The following RTN1 variants were observed in gnomAD, a reference collection of about 807,000 sequenced individuals.
The protein encoded by RTN1 is reticulon-1.
In RTN1, 25 loss-of-function variants were observed where a neutral mutation model predicts 65.5. That is an observed-to-expected ratio of 0.38 (90% CI 0.28 to 0.53). The LOEUF is 0.53. RTN1 is among the 20% of genes least tolerant of loss of function. RTN1 has a pLI of 0.79. For synonymous variants in RTN1, 471 were observed against 447.6 expected (o/e 1.05, Z -0.66); for missense variants, 983 against 1,025.4 (o/e 0.96, Z 0.57).
intron 3 of RTN1, among the ~76,000 whole-genome samples, chr14:59,627,092 A>C (rs891586396): frequency 1.3e-5 from 2 of 152,224 alleles, no homozygotes; most frequent in African/African-American, 4.8e-5. Context: ...GCTACCAAAA[A>C]ACCTTGGGCA....
chr14:59,606,119 T>TATATATATATATATATATATATATATAA (rs1566658086), intron 4 of RTN1: 1 of 88,084 alleles, frequency 1.1e-5, no homozygotes, highest in Admixed American at 1.3e-4. Context: ...TATATATATA[T>TATATATATATATATATATATATATATAA]ATATATATCA....
chr14:59,721,887 T>C (rs1884655104), intron 3 of RTN1, among the ~76,000 whole-genome samples: 1 of 152,192 alleles, frequency 6.6e-6, no homozygotes, highest in East Asian at 1.9e-4. Flanking sequence ...CCAGACTTAG[T>C]TCTTCTAAAT....
chr14:59,810,352 G>A (rs1012042905), intron 1 of RTN1, among the ~76,000 whole-genome samples: 1 of 152,138 alleles, frequency 6.6e-6, no homozygotes, highest in Non-Finnish European at 1.5e-5. Flanking sequence ...GTCCATGTGG[G>A]CTGCTCTATT....
intron 3 of RTN1, among the ~76,000 whole-genome samples, chr14:59,714,860 C>T (rs1318844484): frequency 6.6e-6 from 1 of 152,192 alleles, no homozygotes; most frequent in African/African-American, 2.4e-5. Context: ...AGGGGAGCGG[C>T]AGGTGAGTGA....
chr14:59,642,290 G>C (rs1308388182), intron 3 of RTN1, among the ~76,000 whole-genome samples: 1 of 152,096 alleles, frequency 6.6e-6, no homozygotes. Context: ...GATGCAGCTT[G>C]ATTATGACAG....
At chr14:59,661,121 T>G (rs1338371037) in intron 3 of RTN1, among the ~76,000 whole-genome samples, 3 of 151,644 alleles carry the variant, frequency 2.0e-5, no homozygotes, top group Non-Finnish European at 4.4e-5. Flanking sequence ...TCTACACAAA[T>G]AAATGAGAAA....
At chr14:59,741,477 T>A (rs2139501537) in intron 2 of RTN1, among the ~76,000 whole-genome samples, 1 of 152,330 alleles carries the variant, frequency 6.6e-6, no homozygotes, top group East Asian at 1.9e-4. Flanking sequence ...GTAAGCTCCA[T>A]GAAGCCAGGA....
intron 3 of RTN1, chr14:59,647,148 T>C (rs1388474616): frequency 6.6e-6 from 1 of 151,724 alleles, no homozygotes; most frequent in Non-Finnish European, 1.5e-5. Context: ...AAAGCAGGGG[T>C]TGCAATCCCA....
rs750674515 is a variant in RTN1, at chr14:59,746,360, T to G, written c.363A>C (p.Thr121=). 3 of 1,614,152 alleles carry G rather than the reference T, an allele frequency of 1.9e-6. No individual in the cohort carries two copies. In the Admixed American group the frequency reaches 5.0e-5, roughly 27 times the overall value. Residue 121 remains threonine, a synonymous_variant, in exon 2 of 9, where the codon ACA becomes ACC. Coordinates refer to ENST00000267484, the MANE Select transcript of RTN1 (RefSeq NM_021136.3). The part of the protein sequence containing the change: ...DICYPPQEDS[T]YFTGILQKEN... ...CCTTCTGAAGAATTCCAGTAAAATA[T>G]GTAGAATCCTCCTGAGGTGGATAGC...
chr14:59,651,435 T>C (rs111663575), intron 3 of RTN1, among the ~76,000 whole-genome samples: 3,035 of 151,834 alleles, frequency 0.02, 104 homozygotes, highest in African/African-American at 0.069. Flanking sequence ...ATAAAAACCC[T>C]GGAAGACAAC....
intron 1 of RTN1, among the ~76,000 whole-genome samples, chr14:59,759,122 A>G (rs747805250): frequency 1.3e-5 from 2 of 152,202 alleles, no homozygotes; most frequent in Non-Finnish European, 2.9e-5. Flanking sequence ...CAGGCATGGC[A>G]TTGTCAGAAA....
chr14:59,630,417 G>T, intron 3 of RTN1: 1 of 1,612,844 alleles, frequency 6.2e-7, no homozygotes, highest in African/African-American at 1.3e-5. Context: ...GTGCGCCTCA[G>T]GCATGCACTA....
intron 1 of RTN1, among the ~76,000 whole-genome samples, chr14:59,865,863 A>G (rs1887788653): frequency 6.6e-6 from 1 of 152,192 alleles, no homozygotes; most frequent in Non-Finnish European, 1.5e-5. Flanking sequence ...TCTTGATGTA[A>G]CATTTAGCCA....
At chr14:59,725,868 A>G (rs1226693742) in intron 3 of RTN1, among the ~76,000 whole-genome samples, 1 of 152,210 alleles carries the variant, frequency 6.6e-6, no homozygotes, top group East Asian at 1.9e-4. Flanking sequence ...GCATAGACAC[A>G]GGAAAGAGGG....
chr14:59,615,615 G>C (rs143123946), intron 3 of RTN1, among the ~76,000 whole-genome samples: 204 of 152,228 alleles, frequency 1.3e-3, no homozygotes, highest in African/African-American at 4.7e-3. Context: ...TTACCCTATG[G>C]TCAAACTAAT....
At chr14:59,719,544 G>C (rs889022684) in intron 3 of RTN1, among the ~76,000 whole-genome samples, 1 of 152,248 alleles carries the variant, frequency 6.6e-6, no homozygotes, top group Non-Finnish European at 1.5e-5. Flanking sequence ...CATTGCTAGT[G>C]TCAGGCACAT....
intron 3 of RTN1, among the ~76,000 whole-genome samples, chr14:59,675,423 T>C (rs1883603535): frequency 8.3e-6 from 1 of 120,076 alleles, no homozygotes; most frequent in Non-Finnish European, 1.7e-5. Flanking sequence ...GAAAAATTAA[T>C]TATTTGAGAC....
chr14:59,727,350 G>A lies in RTN1; in HGVS notation c.1334C>T (p.Ala445Val), dbSNP rs1452199543. ...GHVGGPPPSP[A>V]SPSIQYSILR... ...GATGCTGTACTGGATGGATGGCGAG[G>A]CGGGCGAGGGCGGCGGGCCGCCCAC... Residue 445 changes from alanine (A) to valine (V), a missense_variant, in exon 3 of 9, where the codon GCC becomes GTC. Transcript: ENST00000267484. This position sits in a 1 kb window ranked among gnomAD's most constrained non-coding sequence, Gnocchi z 4.2. The A allele has an allele frequency of 1.3e-6, 2 of 1,501,540 alleles. No individual in the cohort carries two copies. Among genetic ancestry groups the A allele is most frequent in the Admixed American group, 4.3e-5 (2 of 46,886 alleles). 93.0% of individuals were successfully genotyped at this position (1,501,540 alleles called of 1,614,324 possible).
At chr14:59,714,267 A>G (rs904452886) in intron 3 of RTN1, among the ~76,000 whole-genome samples, 4 of 151,592 alleles carry the variant, frequency 2.6e-5, no homozygotes, top group African/African-American at 9.7e-5. Context: ...GACTAATTTT[A>G]TTATGGGACA....
Sources: allele counts gnomAD v4.1 joint callset (sites outside exome capture counted in the v4.1 genomes callset), GRCh38; gene constraint gnomAD v4.1.1; non-coding constraint Gnocchi (gnomAD v3.1); transcripts MANE v1.5; gene names NCBI Gene and HGNC (gene_info 2026-07-23, HGNC 2026-07-21).